The following ZNF883 variants were observed in gnomAD, a reference collection of about 807,000 sequenced individuals.
ZNF883 encodes the protein zinc finger protein 883.
rs777832635 is a variant in ZNF883, at chr9:112,998,038, A to G, written n.222T>C. ...TAGTGCTCTGACTAAAAGCTTTCCC[A>G]CATTCATTACATTCATAAGGTTTCT... On this transcript the variant is annotated non_coding_transcript_exon_variant, in exon 1 of 1. Coordinates refer to ENST00000639662, the Ensembl canonical transcript of ZNF883. 3.1e-6 allele frequency: 5 copies of G among 1,613,908 alleles called. No individual in the cohort carries two copies. The South Asian group carries it at 3.3e-5, about 11-fold the overall frequency.
At chr9:112,988,236 A>G (rs1172871446) in intron 1 of ZNF883, among the ~76,000 whole-genome samples, 1 of 152,132 alleles carries the variant, frequency 6.6e-6, no homozygotes, top group Non-Finnish European at 1.5e-5. Context: ...TGCTGCATCT[A>G]TCAACCCATC....
chr9:112,997,119 A>G (rs1828366413), downstream of ZNF883: 2 of 1,588,288 alleles, frequency 1.3e-6, no homozygotes, highest in Non-Finnish European at 1.7e-6. Flanking sequence ...TCCCACACTC[A>G]TTACTCTGCT....
intron 2 of ZNF883, among the ~76,000 whole-genome samples, chr9:113,009,534 G>A: frequency 6.7e-6 from 1 of 149,916 alleles, no homozygotes; most frequent in African/African-American, 2.5e-5. Context: ...TTTTGAGACA[G>A]AGTCTTGTTC....
intron 1 of ZNF883, among the ~76,000 whole-genome samples, chr9:112,989,883 T>G (rs1828284888): frequency 6.6e-6 from 1 of 152,170 alleles, no homozygotes; most frequent in Non-Finnish European, 1.5e-5. Flanking sequence ...TTGTAGCATT[T>G]GTGAATGGGA....
chr9:112,998,315 A>G, upstream of ZNF883: 1 of 1,375,232 alleles, frequency 7.3e-7, no homozygotes, highest in Non-Finnish European at 9.6e-7. Flanking sequence ...TCGGTATGTA[A>G]TAGGTGTTGG....
upstream of ZNF883, chr9:112,998,799 A>G (rs1385248008): frequency 1.3e-5 from 2 of 152,200 alleles, no homozygotes; most frequent in African/African-American, 4.8e-5. Context: ...TGTATCCCCC[A>G]TGAATAAGTG....
At chr9:113,010,119 T>A (rs978245198) in intron 2 of ZNF883, among the ~76,000 whole-genome samples, 4 of 152,214 alleles carry the variant, frequency 2.6e-5, no homozygotes, top group African/African-American at 4.8e-5. Context: ...CACTGTTATA[T>A]CCCAATGCTT....
At chr9:112,997,684 G>A in exon 1 of ZNF883, 3 of 1,612,226 alleles carry the variant, frequency 1.9e-6, no homozygotes. Flanking sequence ...GTGATGTACT[G>A]TGGCAAAAAA....
chr9:113,000,503 A>G (rs568079863), upstream of ZNF883, among the ~76,000 whole-genome samples: 31 of 152,300 alleles, frequency 2.0e-4, no homozygotes, highest in African/African-American at 7.5e-4. Context: ...AAAGTATAAT[A>G]TGAAAGATAT....
chr9:112,992,042 A>G (rs1417603618), intron 1 of ZNF883, among the ~76,000 whole-genome samples: 1 of 152,150 alleles, frequency 6.6e-6, no homozygotes, highest in Non-Finnish European at 1.5e-5. Flanking sequence ...CCAGCTTGCC[A>G]TTCTGTGTCT....
At chr9:113,002,133 G>A (rs1828431434), upstream of ZNF883, 2 of 152,178 alleles carry the variant, frequency 1.3e-5, no homozygotes, top group Admixed American at 1.3e-4. Flanking sequence ...ATTTACGAAA[G>A]AAACAGTAAA....
intron 1 of ZNF883, among the ~76,000 whole-genome samples, chr9:112,990,225 C>G: frequency 6.6e-6 from 1 of 152,248 alleles, no homozygotes; most frequent in South Asian, 2.1e-4. Flanking sequence ...CAGGTTTTGC[C>G]TATTCAGTCT....
chr9:113,001,809 G>C (rs1828428656), upstream of ZNF883, among the ~76,000 whole-genome samples: 1 of 152,180 alleles, frequency 6.6e-6, no homozygotes, highest in African/African-American at 2.4e-5. Flanking sequence ...TTCTGCGATA[G>C]AGAAATGTTG....
At chr9:112,998,469 C>T, upstream of ZNF883, 1 of 393,284 alleles carries the variant, frequency 2.5e-6, no homozygotes, top group Non-Finnish European at 4.4e-6. Context: ...CCATTGATGT[C>T]ATAGTTACAG....
intron 2 of ZNF883, among the ~76,000 whole-genome samples, chr9:113,003,629 A>G (rs1379439236): frequency 6.6e-6 from 1 of 152,050 alleles, no homozygotes; most frequent in Non-Finnish European, 1.5e-5. Context: ...GGGAATAAGG[A>G]TAGATTTTTC....
chr9:112,999,752 T>TC (rs1286091564), upstream of ZNF883: 3 of 152,216 alleles, frequency 2.0e-5, no homozygotes, highest in Admixed American at 6.5e-5. Context: ...GGGAAAGGGG[T>TC]ATAGAGCTTC....
At chr9:112,997,618 A>T (rs1413704436) in exon 1 of ZNF883, 1 of 1,613,738 alleles carries the variant, frequency 6.2e-7, no homozygotes, top group African/African-American at 1.3e-5. Context: ...AAGCTTTCCC[A>T]CATTCATTAC....
intron 1 of ZNF883, among the ~76,000 whole-genome samples, chr9:113,011,525 A>C (rs1828539211): frequency 6.6e-6 from 1 of 152,228 alleles, no homozygotes; most frequent in South Asian, 2.1e-4. Flanking sequence ...TTCGAAGTGC[A>C]TTCACAAATG....
At chr9:113,006,275 C>G (rs144074267) in intron 2 of ZNF883, among the ~76,000 whole-genome samples, 1 of 152,140 alleles carries the variant, frequency 6.6e-6, no homozygotes, top group East Asian at 1.9e-4. Flanking sequence ...ATGGTTTGGA[C>G]AGGGAAACCC....
Sources: gnomAD v4.1 joint callset for allele counts (sites outside exome capture counted in the v4.1 genomes callset) on GRCh38, gnomAD v4.1.1 for gene constraint, MANE v1.5 for transcripts, NCBI Gene and HGNC (gene_info 2026-07-23, HGNC 2026-07-21) for gene names.